The following NUP210L variants were observed in gnomAD, a reference collection of about 807,000 sequenced individuals.
NUP210L encodes nucleoporin 210 like, also known as nuclear pore membrane glycoprotein 210-like.
In NUP210L, 74 loss-of-function variants were observed where a neutral mutation model predicts 208.5. The ratio of observed to expected loss-of-function variants is 0.35; its 90% confidence interval spans 0.29 to 0.43. The LOEUF (loss-of-function observed/expected upper bound fraction) is 0.43, where lower values mean the gene tolerates loss of function less well. Ranked by LOEUF, NUP210L falls within the 20% of genes least tolerant of loss-of-function variation. The probability of loss-of-function intolerance (pLI) is 1.00; values close to 1 mark genes in which losing one functional copy is unlikely to be tolerated. For missense variants in NUP210L, 1,843 were observed against 2,289.4 expected (o/e 0.81, Z 3.98); for synonymous variants, 780 against 816.9 (o/e 0.95, Z 0.77).
intron 17 of NUP210L, among the ~76,000 whole-genome samples, chr1:154,065,712 G>T (rs893109583): frequency 1.3e-5 from 2 of 151,944 alleles, no homozygotes; most frequent in Non-Finnish European, 2.9e-5. Context: ...GGGCAACATG[G>T]TGAAACTCGG....
At chr1:154,143,139 G>A (rs1658940112) in intron 3 of NUP210L, among the ~76,000 whole-genome samples, 2 of 149,840 alleles carry the variant, frequency 1.3e-5, no homozygotes, top group South Asian at 4.2e-4. Flanking sequence ...AGTGAGCCAA[G>A]ATCATGCCAT....
At chr1:154,032,192 T>G (rs1310701303) in intron 27 of NUP210L, among the ~76,000 whole-genome samples, 3 of 152,218 alleles carry the variant, frequency 2.0e-5, no homozygotes, top group Non-Finnish European at 4.4e-5. Context: ...CTTGATATAA[T>G]GATTTCCTTT....
At chr1:154,080,302 G>A (rs1206570366) in intron 16 of NUP210L, among the ~76,000 whole-genome samples, 2 of 151,488 alleles carry the variant, frequency 1.3e-5, no homozygotes, top group East Asian at 3.9e-4. Context: ...GGAGGTTGCA[G>A]TGAACCAAGA....
At chr1:154,149,082 C>CTTTTTTT (rs1165377641) in intron 2 of NUP210L, among the ~76,000 whole-genome samples, 1 of 90,684 alleles carries the variant, frequency 1.1e-5, no homozygotes, top group Non-Finnish European at 2.3e-5. Context: ...CAGCAGAAAA[C>CTTTTTTT]TTCTCTTTTT....
exon 10 of NUP210L, chr1:154,126,363 A>G (rs1557996006): frequency 6.2e-7 from 1 of 1,613,384 alleles, no homozygotes; most frequent in Non-Finnish European, 8.5e-7. Context: ...TATTACCACA[A>G]CACCATCTTT....
At chr1:154,058,730 A>T in intron 20 of NUP210L, 37 bp from the exon 21 acceptor site, 1 of 1,604,914 alleles carries the variant, frequency 6.2e-7, no homozygotes, top group East Asian at 2.2e-5. Flanking sequence ...TAAAGAAGCA[A>T]ACATGCTCCA....
At chr1:154,096,335 T>C (rs1656179733) in intron 14 of NUP210L, among the ~76,000 whole-genome samples, 1 of 152,240 alleles carries the variant, frequency 6.6e-6, no homozygotes, top group African/African-American at 2.4e-5. Flanking sequence ...TTAAATAATG[T>C]ATATATAATT....
chr1:154,021,479 G>A (rs915891229), intron 32 of NUP210L, among the ~76,000 whole-genome samples: 2 of 151,482 alleles, frequency 1.3e-5, no homozygotes, highest in Non-Finnish European at 2.9e-5. Flanking sequence ...GAATGACAGA[G>A]TGAGACTCTG....
intron 2 of NUP210L, among the ~76,000 whole-genome samples, chr1:154,150,438 G>A (rs956885597): frequency 6.7e-6 from 1 of 149,768 alleles, no homozygotes; most frequent in African/African-American, 2.5e-5. Flanking sequence ...TTTATAATAA[G>A]CACTTAAGGC....
chr1:154,138,495 A>G (rs1332968831), intron 5 of NUP210L, among the ~76,000 whole-genome samples: 1 of 152,212 alleles, frequency 6.6e-6, no homozygotes, highest in Non-Finnish European at 1.5e-5. Flanking sequence ...AAGTAGGTAA[A>G]TAAAAAGTCA....
rs974723869 is a variant in NUP210L, at chr1:154,019,482, G to A, written c.4517-413C>T. On this transcript the variant is annotated intron_variant, in intron 32 of 39. Transcript: ENST00000368559. ...TTTTGGCTTAAGTCTAAAGATGGCC[G>A]AGGAATGCCAAATACTGGGTTAGAG... Among the ~76,000 whole-genome samples the A allele has an allele frequency of 7.9e-5, 12 of 152,144 alleles. No homozygotes were observed. In the South Asian group the frequency reaches 1.4e-3, roughly 18 times the overall value.
intron 20 of NUP210L, among the ~76,000 whole-genome samples, chr1:154,059,653 G>A (rs533058525): frequency 1.3e-5 from 2 of 152,214 alleles, no homozygotes; most frequent in South Asian, 4.1e-4. Context: ...CACTAGTAGG[G>A]GGAGAAAGCA....
chr1:154,126,377 G>A (rs148727937), exon 10 of NUP210L: 1 of 1,613,280 alleles, frequency 6.2e-7, no homozygotes, highest in East Asian at 2.2e-5. Flanking sequence ...CATCTTTCAG[G>A]GCTTTTACTA....
At chr1:154,058,025 G>C in intron 22 of NUP210L, 64 bp downstream of exon 22, 3 of 1,563,268 alleles carry the variant, frequency 1.9e-6, no homozygotes, top group Non-Finnish European at 2.6e-6. Flanking sequence ...AAGCTGACCA[G>C]GTCACTAGGA....
chr1:154,082,387 G>A (rs567940814), intron 16 of NUP210L, among the ~76,000 whole-genome samples: 8 of 152,268 alleles, frequency 5.3e-5, no homozygotes, highest in African/African-American at 1.7e-4. Context: ...TTGTAAATGC[G>A]TATGTACCTA....
intron 27 of NUP210L, 147 bp downstream of exon 27, chr1:154,045,922 T>G: frequency 3.1e-6 from 2 of 635,680 alleles, no homozygotes; most frequent in South Asian, 2.5e-5. Flanking sequence ...GAGGTGGAGG[T>G]TGCAGTGAGC....
intron 16 of NUP210L, among the ~76,000 whole-genome samples, chr1:154,088,844 GT>G (rs925927856): frequency 5.3e-5 from 8 of 151,964 alleles, no homozygotes; most frequent in African/African-American, 1.9e-4. Flanking sequence ...ACTCAACATT[GT>G]TTATTATATA....
intron 17 of NUP210L, 141 bp from the exon 18 acceptor site, chr1:154,061,815 A>C: frequency 1.6e-6 from 1 of 638,596 alleles, no homozygotes; most frequent in South Asian, 1.8e-5. Context: ...GGGGAAATAC[A>C]TAAGAAAAAA....
At chr1:154,067,535 A>G (rs1323143235) in intron 17 of NUP210L, among the ~76,000 whole-genome samples, 1 of 152,230 alleles carries the variant, frequency 6.6e-6, no homozygotes, top group Admixed American at 6.5e-5. Context: ...AAACTGGCAC[A>G]AGACAGGGAT....
Sources: gnomAD v4.1 joint callset for allele counts (sites outside exome capture counted in the v4.1 genomes callset) on GRCh38, gnomAD v4.1.1 for gene constraint, MANE v1.5 for transcripts, NCBI Gene and HGNC (gene_info 2026-07-23, HGNC 2026-07-21) for gene names.